RAD54B: variants seen among roughly 807,000 people sequenced by gnomAD.
RAD54B encodes RAD54 homolog B, also known as DNA repair and recombination protein RAD54B.
RAD54B carries 78 observed loss-of-function variants against 95.8 expected under a neutral mutation model. The observed-to-expected ratio is 0.81, with a 90% CI of 0.68 to 0.98. The LOEUF (loss-of-function observed/expected upper bound fraction) is 0.98. Among genes scored for constraint, RAD54B ranks in the 50% least tolerant of loss-of-function variants. RAD54B has a pLI of 0.00. For missense variants in RAD54B, 957 were observed against 1,056.6 expected (o/e 0.91, Z 1.31); for synonymous variants, 328 against 354.9 (o/e 0.92, Z 0.85).
At chr8:94,429,251 A>C in intron 3 of RAD54B, 2 of 534,110 alleles carry the variant, frequency 3.7e-6, no homozygotes, top group Non-Finnish European at 4.8e-6. Flanking sequence ...CTGCAGAAAA[A>C]TATGATTGTA....
intron 3 of RAD54B, chr8:94,429,927 G>A (rs1360886781): frequency 2.0e-6 from 2 of 985,012 alleles, no homozygotes; most frequent in African/African-American, 3.5e-5. Context: ...GTCCCTAAAT[G>A]CCACTCCTCC....
At chr8:94,399,658 AGAAACTATAT>A in intron 7 of RAD54B, 37 bp from the exon 8 acceptor site, 1 of 1,555,028 alleles carries the variant, frequency 6.4e-7, no homozygotes, top group Non-Finnish European at 8.6e-7. Flanking sequence ...AATCAGGAAC[AGAAACTATAT>A]GAAATCAAAT....
At chr8:94,407,169 G>A (rs1811411112) in intron 5 of RAD54B, among the ~76,000 whole-genome samples, 1 of 152,010 alleles carries the variant, frequency 6.6e-6, no homozygotes, top group African/African-American at 2.4e-5. Context: ...TATGTGTAAT[G>A]TATACACATA....
intron 11 of RAD54B, among the ~76,000 whole-genome samples, chr8:94,384,379 A>C (rs1234583180): frequency 6.6e-6 from 1 of 152,248 alleles, no homozygotes; most frequent in Non-Finnish European, 1.5e-5. Flanking sequence ...CATTATGTTA[A>C]GTGAAATTGG....
At position 94,404,874 on chromosome 8, in the gene RAD54B, T is replaced by G. The variant is rs544761005; in HGVS notation, c.782-635A>C. On this transcript the variant is annotated intron_variant, in intron 5 of 14. Transcript: ENST00000336148. ...TGTTGCCCAGGGTGGAGTGCAGTGG[T>G]GTGATCTCAGCTCACTGCAACCTCC... Among the ~76,000 whole-genome samples the G allele has an allele frequency of 3.9e-5, 6 of 152,214 alleles. No homozygotes were observed. The South Asian group carries it at 6.2e-4, about 16-fold the overall frequency.
Position 94,436,968 on chromosome 8 carries a change from G to T in RAD54B, c.304+21300C>A, listed in dbSNP as rs947950101. Reference sequence around the variant, plus strand: ...ACAGAAAAAGATCAGGCTTAACTAGGCTAGCCTCATTTAGGCCCACGCCTA... The same window carrying T: ...ACAGAAAAAGATCAGGCTTAACTAGTCTAGCCTCATTTAGGCCCACGCCTA... On this transcript the variant is annotated intron_variant, in intron 3 of 14. Coordinates refer to ENST00000336148, the MANE Select transcript of RAD54B (RefSeq NM_012415.3). 2.8e-6 allele frequency: 4 copies of T among 1,430,904 alleles called. No homozygotes were observed. In the African/African-American group the frequency reaches 5.8e-5, roughly 21 times the overall value. 88.6% of individuals were successfully genotyped at this position (1,430,904 alleles called of 1,614,324 possible). A position where few individuals can be genotyped will look rare whatever the true frequency, so the allele number is the denominator to read the frequency against.
intron 3 of RAD54B, chr8:94,430,337 G>A: frequency 5.5e-6 from 5 of 916,458 alleles, no homozygotes; most frequent in Non-Finnish European, 6.5e-6. Flanking sequence ...AGTATTTAAT[G>A]TAATTCATAA....
intron 11 of RAD54B, among the ~76,000 whole-genome samples, chr8:94,385,479 ATAT>A (rs1197064163): frequency 1.3e-5 from 2 of 152,208 alleles, no homozygotes; most frequent in African/African-American, 4.8e-5. Context: ...CACATAGCAA[ATAT>A]TATCTAATAA....
chr8:94,456,188 T>C (rs1812774914), intron 3 of RAD54B, among the ~76,000 whole-genome samples: 2 of 152,172 alleles, frequency 1.3e-5, no homozygotes, highest in South Asian at 4.1e-4. Context: ...TCATTAGTGG[T>C]AGACCTACAT....
Position 94,403,791 on chromosome 8 carries a change from T to A in RAD54B, c.944+286A>T, listed in dbSNP as rs78126366. ...TTTATTATACCACATTAAGGTCAATTGCATTTATCTGTTTACTCAAATACT... is the reference window on the plus strand; with the variant it reads ...TTTATTATACCACATTAAGGTCAATAGCATTTATCTGTTTACTCAAATACT... On this transcript the variant is annotated intron_variant, in intron 6 of 14. Transcript: ENST00000336148. 6.1e-3 allele frequency among the ~76,000 whole-genome samples: 930 copies of A among 152,300 alleles called. 12 individuals carry two copies. Among genetic ancestry groups the A allele is most frequent in the African/African-American group, 0.021 (871 of 41,560 alleles).
At chr8:94,411,022 T>C in intron 4 of RAD54B, 99 bp downstream of exon 4, 1 of 870,400 alleles carries the variant, frequency 1.1e-6, no homozygotes, top group Non-Finnish European at 1.8e-6. Flanking sequence ...AAGAATACCT[T>C]ATCATCTCTT....
At chr8:94,450,792 A>AT (rs1189014018) in intron 3 of RAD54B, among the ~76,000 whole-genome samples, 1 of 151,816 alleles carries the variant, frequency 6.6e-6, no homozygotes, top group Non-Finnish European at 1.5e-5. Context: ...AGGAACAAGA[A>AT]TTGCTTGAAT....
At chr8:94,429,914 C>A in intron 3 of RAD54B, 23 of 985,316 alleles carry the variant, frequency 2.3e-5, no homozygotes, top group Non-Finnish European at 2.8e-5. Context: ...CAATACAATG[C>A]CTGTCCCTAA....
chr8:94,400,294 T>C lies in RAD54B; in HGVS notation c.1114A>G (p.Lys372Glu), dbSNP rs1436149413. Residue 372 changes from lysine (K) to glutamate (E), a missense_variant, in exon 7 of 15, where the codon AAA becomes GAA. Physicochemically the swap from Lys to Glu is moderately conservative, Grantham distance 56. Coordinates refer to ENST00000336148, the MANE Select transcript of RAD54B (RefSeq NM_012415.3). ...TPGSLVNNWKKEFQKWLGSER... is the reference protein window; with the variant it reads ...TPGSLVNNWKEEFQKWLGSER... ...CTTCCTAGCCATTTTTGAAATTCTTTCTTCCAATTATTCACCAAGCTTCCA... is the reference window on the plus strand; with the variant it reads ...CTTCCTAGCCATTTTTGAAATTCTTCCTTCCAATTATTCACCAAGCTTCCA... 6.2e-7 allele frequency: 1 copy of C among 1,613,938 alleles called. No homozygotes were observed. Among genetic ancestry groups the C allele is most frequent in the Non-Finnish European group, 8.5e-7 (1 of 1,179,890 alleles).
Position 94,387,197 on chromosome 8 carries a change from T to C in RAD54B, c.1810-38A>G, listed in dbSNP as rs775901498. On this transcript the variant is annotated intron_variant, in intron 10 of 14. Transcript: ENST00000336148. ...ATGATTGTTAATGCTGGCTCAAGTT[T>C]GTTTTTTTAATTAGGAGGGGAAAAT... 4 of 1,491,586 alleles carry C rather than the reference T, an allele frequency of 2.7e-6. No homozygotes were observed. In the African/African-American group the frequency reaches 5.8e-5, roughly 21 times the overall value. 92.4% of individuals were successfully genotyped at this position (1,491,586 alleles called of 1,614,324 possible). A position where few individuals can be genotyped will look rare whatever the true frequency, so the allele number is the denominator to read the frequency against.
At chr8:94,441,541 C>T (rs1050692189) in intron 3 of RAD54B, among the ~76,000 whole-genome samples, 1 of 152,158 alleles carries the variant, frequency 6.6e-6, no homozygotes, top group African/African-American at 2.4e-5. Flanking sequence ...TTTCCATGCC[C>T]ACCCCAGGCA....
At chr8:94,403,845 G>A (rs1242997565) in intron 6 of RAD54B, among the ~76,000 whole-genome samples, 2 of 149,870 alleles carry the variant, frequency 1.3e-5, no homozygotes, top group Admixed American at 6.7e-5. Flanking sequence ...TAAGGACCGT[G>A]GTCCTGATTC....
chr8:94,381,096 A>C (rs1048228792), intron 11 of RAD54B, among the ~76,000 whole-genome samples: 6 of 151,348 alleles, frequency 4.0e-5, no homozygotes, highest in Non-Finnish European at 8.9e-5. Context: ...GTTTCAGTCC[A>C]GCCTGGACAA....
intron 6 of RAD54B, among the ~76,000 whole-genome samples, chr8:94,403,693 T>A (rs1811315579): frequency 6.6e-6 from 1 of 151,336 alleles, no homozygotes; most frequent in Admixed American, 6.6e-5. Context: ...AAAAAAAAAA[T>A]TCTTATAACC....
Sources: allele counts gnomAD v4.1 joint callset (sites outside exome capture counted in the v4.1 genomes callset), GRCh38; gene constraint gnomAD v4.1.1; transcripts MANE v1.5; gene names NCBI Gene and HGNC (gene_info 2026-07-23, HGNC 2026-07-21).